The following HNF1B variants were observed in gnomAD, a reference collection of about 807,000 sequenced individuals.
HNF1B encodes the protein HNF1 homeobox B.
A neutral mutation model predicts 61.7 loss-of-function variants in HNF1B; 8 were observed. That is an observed-to-expected ratio of 0.13 (90% CI 0.08 to 0.23). The LOEUF is 0.23. Among genes scored for constraint, HNF1B ranks in the 10% least tolerant of loss-of-function variants. The pLI, the probability that HNF1B is intolerant of heterozygous loss-of-function variation, is 1.00. For synonymous variants in HNF1B, 314 were observed against 287.7 expected (o/e 1.09, Z -0.93); for missense variants, 562 against 714.5 (o/e 0.79, Z 2.43).
At chr17:37,703,415 A>G (rs1015130711) in intron 6 of HNF1B, among the ~76,000 whole-genome samples, 19 of 150,858 alleles carry the variant, frequency 1.3e-4, no homozygotes, top group Admixed American at 1.1e-3. Context: ...TTCAGATAGT[A>G]TATATATATA....
chr17:37,687,784 C>T (rs892306760), intron 8 of HNF1B, among the ~76,000 whole-genome samples: 1 of 152,118 alleles, frequency 6.6e-6, no homozygotes, highest in South Asian at 2.1e-4. Context: ...TTCCTAAGAC[C>T]GCTAAGAGCA....
At chr17:37,717,865 C>A (rs12951345) in intron 4 of HNF1B, among the ~76,000 whole-genome samples, 121,262 of 152,154 alleles carry the variant, frequency 0.8, 48,685 homozygotes, top group African/African-American at 0.9. Context: ...TGAGAGGATA[C>A]AGATTCATGT....
chr17:37,696,185 C>G lies in HNF1B; in HGVS notation c.1653+2891G>C, dbSNP rs570406835. On this transcript the variant is annotated intron_variant, in intron 8 of 8. Coordinates refer to ENST00000617811, the MANE Select transcript of HNF1B (RefSeq NM_000458.4). ...TAGGGCTAGGCATGGTGGCTCACAC[C>G]TGTAATCCCAGCACTTTGGGAGGCC... Among the ~76,000 whole-genome samples the G allele has an allele frequency of 1.2e-4, 19 of 152,208 alleles. No homozygotes were observed. In the South Asian group the frequency reaches 3.9e-3, roughly 32 times the overall value.
chr17:37,731,248 T>G, intron 4 of HNF1B: 1 of 441,118 alleles, frequency 2.3e-6, no homozygotes, highest in Non-Finnish European at 4.2e-6. Context: ...CACGACCCGT[T>G]TGCCTGCGGT....
chr17:37,731,788 G>T lies in HNF1B; in HGVS notation c.852C>A (p.His284Gln). ...CAGTGACCAAGTTGGAGCCCAGGCCGTGGGCTTTGGAGGGGGACACCCCTC... is the reference window on the plus strand; with the variant it reads ...CAGTGACCAAGTTGGAGCCCAGGCCTTGGGCTTTGGAGGGGGACACCCCTC... ...LQRGVSPSKA[H>Q]GLGSNLVTEV... Residue 284 changes from histidine (H) to glutamine (Q), a missense_variant, in exon 4 of 9, where the codon CAC becomes CAA. By Grantham distance (24) the His-to-Gln change is conservative. This residue lies in a region of HNF1B where 54 missense variants were observed against 122.1 expected (regional missense o/e 0.44). Transcript: ENST00000617811. 1 of 1,614,006 alleles carries T rather than the reference G, an allele frequency of 6.2e-7. No homozygotes were observed. Among genetic ancestry groups the T allele is most frequent in the Non-Finnish European group, 8.5e-7 (1 of 1,179,952 alleles).
At chr17:37,721,334 GAGA>G (rs1032099665) in intron 4 of HNF1B, among the ~76,000 whole-genome samples, 7 of 152,184 alleles carry the variant, frequency 4.6e-5, no homozygotes, top group African/African-American at 1.7e-4. Context: ...GAGTGAGGGA[GAGA>G]AGGAGAGAGA....
chr17:37,709,072 C>A lies in HNF1B; in HGVS notation c.1206+1431G>T, dbSNP rs191139207. ...CTTCAGCATGAAAGTCGGGAATCTGCGGCTCCTCCCTCCCCTGAAAAACAG... is the reference window on the plus strand; with the variant it reads ...CTTCAGCATGAAAGTCGGGAATCTGAGGCTCCTCCCTCCCCTGAAAAACAG... On this transcript the variant is annotated intron_variant, in intron 5 of 8. Coordinates refer to ENST00000617811, the MANE Select transcript of HNF1B (RefSeq NM_000458.4). Among the ~76,000 whole-genome samples the A allele has an allele frequency of 3.7e-3, 564 of 152,194 alleles. 5 individuals are homozygous for A. Among genetic ancestry groups the A allele is most frequent in the African/African-American group, 0.013 (520 of 41,506 alleles).
intron 1 of HNF1B, among the ~76,000 whole-genome samples, chr17:37,743,378 G>A (rs2034060891): frequency 6.6e-6 from 1 of 152,276 alleles, no homozygotes; most frequent in Non-Finnish European, 1.5e-5. Flanking sequence ...CCGGGCGGGA[G>A]AGCGACGAGG....
At position 37,712,374 on chromosome 17, in the gene HNF1B, C is replaced by T. The variant is rs1016761225; in HGVS notation, c.1046-1711G>A. Among the ~76,000 whole-genome samples, 7 of 152,186 alleles carry T rather than the reference C, an allele frequency of 4.6e-5. No homozygotes were observed. In the South Asian group the frequency reaches 1.2e-3, roughly 27 times the overall value. On this transcript the variant is annotated intron_variant, in intron 4 of 8. Coordinates refer to ENST00000617811, the MANE Select transcript of HNF1B (RefSeq NM_000458.4). ...AACAGCCGGTGCCCAGGCCCCTGTC[C>T]TCCTGTGCACCTATCTGCAGCCCCC...
chr17:37,690,062 G>A (rs1253215323), intron 8 of HNF1B, among the ~76,000 whole-genome samples: 2 of 151,728 alleles, frequency 1.3e-5, no homozygotes, highest in African/African-American at 4.8e-5. Context: ...GTGGAGATGA[G>A]CACTCCATAG....
chr17:37,727,624 C>A (rs1055509264), intron 4 of HNF1B, among the ~76,000 whole-genome samples: 1 of 152,204 alleles, frequency 6.6e-6, no homozygotes, highest in Non-Finnish European at 1.5e-5. Flanking sequence ...GTTTGTAGGG[C>A]ATCTTGTAAC....
intron 1 of HNF1B, among the ~76,000 whole-genome samples, chr17:37,743,135 T>C (rs912070996): frequency 2.0e-5 from 3 of 152,194 alleles, no homozygotes; most frequent in African/African-American, 7.2e-5. Flanking sequence ...AGCGCCGCGC[T>C]AGAAAGCGGG....
chr17:37,742,044 C>G (rs7405696), intron 1 of HNF1B, among the ~76,000 whole-genome samples: 98,202 of 152,168 alleles, frequency 0.65, 33,616 homozygotes, highest in African/African-American at 0.87. Flanking sequence ...TCCCTAACAC[C>G]GAGAAAGGCA....
chr17:37,706,103 C>G (rs1429194747), intron 5 of HNF1B, among the ~76,000 whole-genome samples: 1 of 152,078 alleles, frequency 6.6e-6, no homozygotes, highest in African/African-American at 2.4e-5. Flanking sequence ...GAACCACAGG[C>G]ACCTACCACC....
intron 5 of HNF1B, among the ~76,000 whole-genome samples, chr17:37,709,374 C>G (rs953352721): frequency 6.6e-6 from 1 of 152,080 alleles, no homozygotes; most frequent in South Asian, 2.1e-4. Flanking sequence ...CTCAGCCTCC[C>G]GAGTAGCTGG....
chr17:37,735,183 A>G (rs368122180), intron 2 of HNF1B, among the ~76,000 whole-genome samples: 3 of 152,310 alleles, frequency 2.0e-5, no homozygotes, highest in East Asian at 1.9e-4. Context: ...ATGATGTGCC[A>G]TCATTTACAT....
At chr17:37,737,790 G>A (rs142179914) in intron 2 of HNF1B, among the ~76,000 whole-genome samples, 1,648 of 152,160 alleles carry the variant, frequency 0.011, 34 homozygotes, top group African/African-American at 0.038. Context: ...AGCCAAGATC[G>A]CGCCACTGCA....
intron 8 of HNF1B, among the ~76,000 whole-genome samples, chr17:37,688,749 T>C (rs1365617266): frequency 6.6e-6 from 1 of 152,188 alleles, no homozygotes; most frequent in Admixed American, 6.5e-5. Context: ...TGTGATTAGA[T>C]GAGTCAACAC....
chr17:37,707,268 A>T (rs1038525960), intron 5 of HNF1B, among the ~76,000 whole-genome samples: 4 of 152,214 alleles, frequency 2.6e-5, no homozygotes, highest in Non-Finnish European at 5.9e-5. Context: ...GGCATGCACC[A>T]CCGTGCCCAG....
Sources: gnomAD v4.1 joint callset for allele counts (sites outside exome capture counted in the v4.1 genomes callset) on GRCh38, gnomAD v4.1.1 for gene constraint, gnomAD v4.1.1 regional missense constraint, MANE v1.5 for transcripts, NCBI Gene and HGNC (gene_info 2026-07-23, HGNC 2026-07-21) for gene names.